DPYD: variants seen among roughly 807,000 people sequenced by gnomAD.
DPYD encodes the protein dihydropyrimidine dehydrogenase [NADP(+)].
Under a neutral mutation model 116.2 loss-of-function variants are expected in DPYD, and 109 were observed. The ratio of observed to expected loss-of-function variants is 0.94; its 90% CI spans 0.80 to 1.10. The LOEUF is 1.10. DPYD is among the 50% of genes least tolerant of loss of function. DPYD has a pLI of 0.00. For synonymous variants in DPYD, 440 were observed against 432.0 expected, an observed-to-expected ratio of 1.02 and a Z score of -0.23; for missense variants, 1,302 against 1,254.5, an observed-to-expected ratio of 1.04 and a Z score of -0.57.
chr1:97,904,440 C>T (rs776130586), intron 1 of DPYD, among the ~76,000 whole-genome samples: 1 of 151,892 alleles, frequency 6.6e-6, no homozygotes, highest in Non-Finnish European at 1.5e-5. Flanking sequence ...GGAGAGTTCT[C>T]TGGCCTCCCT....
chr1:97,851,183 T>G lies in DPYD; in HGVS notation c.151-22987A>C, dbSNP rs151311620. 3.5e-3 allele frequency among the ~76,000 whole-genome samples: 533 copies of G among 151,706 alleles called. 7 individuals carry two copies. Among genetic ancestry groups the G allele is most frequent in the African/African-American group, 0.012 (516 of 41,448 alleles). On this transcript the variant is annotated intron_variant, in intron 2 of 22. Transcript: ENST00000370192. ...GGGAAGGACATTTTCATTTAGACTT[T>G]TATACACTATGATAAGTTTCTAACA...
intron 20 of DPYD, among the ~76,000 whole-genome samples, chr1:97,106,038 A>C (rs1002938605): frequency 7.9e-5 from 12 of 152,078 alleles, no homozygotes; most frequent in African/African-American, 2.9e-4. Flanking sequence ...TTTATTCTTT[A>C]GGGTGTATGG....
chr1:97,489,535 C>T (rs893712810), intron 13 of DPYD, among the ~76,000 whole-genome samples: 6 of 152,150 alleles, frequency 3.9e-5, no homozygotes, highest in Admixed American at 3.3e-4. Flanking sequence ...GTAGACAATA[C>T]ACATGGTACA....
intron 1 of DPYD, among the ~76,000 whole-genome samples, chr1:97,920,634 C>A (rs1037703403): frequency 2.0e-5 from 3 of 152,176 alleles, no homozygotes; most frequent in Non-Finnish European, 4.4e-5. Context: ...AAATCTCTTC[C>A]GAAGTAAACA....
At chr1:97,565,940 T>C (rs1476557151) in intron 11 of DPYD, among the ~76,000 whole-genome samples, 2 of 152,196 alleles carry the variant, frequency 1.3e-5, no homozygotes, top group East Asian at 3.9e-4. Flanking sequence ...AGTAGGCTGA[T>C]GACAACTTTC....
At chr1:97,731,590 T>C (rs1476476283) in intron 4 of DPYD, among the ~76,000 whole-genome samples, 2 of 152,032 alleles carry the variant, frequency 1.3e-5, no homozygotes, top group Non-Finnish European at 2.9e-5. Context: ...GATAGTATAG[T>C]GTAATACAAA....
At chr1:97,530,282 A>G (rs547629348) in intron 12 of DPYD, among the ~76,000 whole-genome samples, 53 of 146,720 alleles carry the variant, frequency 3.6e-4, no homozygotes, top group African/African-American at 1.3e-3. Context: ...CAGCGGCACA[A>G]TCTCAGCTCA....
chr1:97,611,225 A>G (rs1655924434), intron 8 of DPYD, among the ~76,000 whole-genome samples: 1 of 152,090 alleles, frequency 6.6e-6, no homozygotes, highest in Admixed American at 6.6e-5. Context: ...GCCTGTGCAG[A>G]GAAACTCTTG....
At chr1:97,525,794 G>C (rs964307668) in intron 12 of DPYD, among the ~76,000 whole-genome samples, 3 of 150,678 alleles carry the variant, frequency 2.0e-5, no homozygotes, top group Non-Finnish European at 4.4e-5. Flanking sequence ...GAGAGAGTGT[G>C]TGTGTGTTTT....
At chr1:97,297,350 T>C (rs907034350) in intron 18 of DPYD, among the ~76,000 whole-genome samples, 7 of 152,224 alleles carry the variant, frequency 4.6e-5, no homozygotes, top group Admixed American at 4.6e-4. Context: ...AGGTTTACTA[T>C]GCCCCACACT....
chr1:97,832,045 T>TTG (rs35795641), intron 2 of DPYD, among the ~76,000 whole-genome samples: 12,566 of 133,870 alleles, frequency 0.094, 572 homozygotes, highest in African/African-American at 0.12. Context: ...ATATAATGTA[T>TTG]TGTGTGTGTG....
intron 13 of DPYD, among the ~76,000 whole-genome samples, chr1:97,487,852 A>G (rs1678735415): frequency 6.6e-6 from 1 of 152,250 alleles, no homozygotes; most frequent in Admixed American, 6.5e-5. Context: ...GCCATTCTGA[A>G]AAACAGTTTG....
At chr1:97,840,250 A>C (rs1263129298) in intron 2 of DPYD, among the ~76,000 whole-genome samples, 1 of 152,110 alleles carries the variant, frequency 6.6e-6, no homozygotes, top group Non-Finnish European at 1.5e-5. Flanking sequence ...CACGACAAAA[A>C]AAAACCCAGA....
chr1:97,741,734 C>A (rs1023104922), intron 3 of DPYD, among the ~76,000 whole-genome samples: 1 of 152,108 alleles, frequency 6.6e-6, no homozygotes, highest in Non-Finnish European at 1.5e-5. Flanking sequence ...ATAGAACATG[C>A]AGTTTGAATG....
intron 10 of DPYD, among the ~76,000 whole-genome samples, chr1:97,575,400 T>C (rs983015919): frequency 1.3e-5 from 2 of 152,174 alleles, no homozygotes; most frequent in Non-Finnish European, 2.9e-5. Flanking sequence ...ATTAAAATCA[T>C]AGCAGGGAGG....
intron 20 of DPYD, among the ~76,000 whole-genome samples, chr1:97,114,751 G>GA (rs1326164815): frequency 5.3e-5 from 8 of 151,662 alleles, no homozygotes; most frequent in South Asian, 2.1e-4. Context: ...CCTGAATGAT[G>GA]AAAAAAAACC....
chr1:97,339,511 C>G (rs1438230744), intron 16 of DPYD, among the ~76,000 whole-genome samples: 1 of 152,138 alleles, frequency 6.6e-6, no homozygotes, highest in Non-Finnish European at 1.5e-5. Context: ...AATCTTTATA[C>G]CAGCCAATCA....
At chr1:97,494,328 C>G (rs1318925944) in intron 13 of DPYD, among the ~76,000 whole-genome samples, 1 of 152,110 alleles carries the variant, frequency 6.6e-6, no homozygotes, top group Admixed American at 6.5e-5. Flanking sequence ...TGCTAATTAG[C>G]TGGGACTACA....
chr1:97,557,666 C>T (rs1265169072), intron 11 of DPYD, among the ~76,000 whole-genome samples: 4 of 152,140 alleles, frequency 2.6e-5, no homozygotes, highest in African/African-American at 7.2e-5. Flanking sequence ...TTAGTATAAT[C>T]CATGAATCTT....
Sources: gnomAD v4.1 joint callset for allele counts (sites outside exome capture counted in the v4.1 genomes callset) on GRCh38, gnomAD v4.1.1 for gene constraint, MANE v1.5 for transcripts, NCBI Gene and HGNC (gene_info 2026-07-23, HGNC 2026-07-21) for gene names.